PLEKHG7: variants seen among roughly 807,000 people sequenced by gnomAD.
The protein encoded by PLEKHG7 is pleckstrin homology domain-containing family G member 7.
Under a neutral mutation model 85.2 loss-of-function variants are expected in PLEKHG7, and 77 were observed. The observed-to-expected ratio is 0.90, with a 90% CI of 0.75 to 1.09. PLEKHG7 has a LOEUF of 1.09. Ranked by LOEUF, PLEKHG7 falls within the 50% of genes least tolerant of loss-of-function variation. The pLI is 0.00. For synonymous variants in PLEKHG7, 301 were observed against 302.4 expected (o/e 1.00, Z 0.05); for missense variants, 777 against 804.3 (o/e 0.97, Z 0.41).
chr12:92,761,639 AAAGAAAGAAAG>A, intron 13 of PLEKHG7, 102 bp from the exon 14 acceptor site: 1 of 497,858 alleles, frequency 2.0e-6, no homozygotes, highest in South Asian at 3.7e-5. Flanking sequence ...AGAAAGAAAG[AAAGAAAGAAAG>A]AAAGAAAGAA....
chr12:92,726,295 G>C (rs1022242456), intron 3 of PLEKHG7, among the ~76,000 whole-genome samples: 6 of 152,156 alleles, frequency 3.9e-5, no homozygotes, highest in Admixed American at 3.3e-4. Flanking sequence ...AGCCACTTTG[G>C]GGGTGGGAGA....
At chr12:92,759,512 C>A (rs576482046) in intron 13 of PLEKHG7, among the ~76,000 whole-genome samples, 1 of 152,216 alleles carries the variant, frequency 6.6e-6, no homozygotes, top group African/African-American at 2.4e-5. Context: ...CATGTTGAAG[C>A]CTTAATGTCC....
intron 15 of PLEKHG7, 113 bp downstream of exon 15, chr12:92,764,307 T>C: frequency 1.9e-6 from 2 of 1,048,106 alleles, no homozygotes; most frequent in Non-Finnish European, 1.4e-6. Flanking sequence ...AAAACAAGAC[T>C]GTGTTCCTAT....
chr12:92,723,883 A>G (rs1871718171), intron 3 of PLEKHG7, among the ~76,000 whole-genome samples: 1 of 152,190 alleles, frequency 6.6e-6, no homozygotes, highest in South Asian at 2.1e-4. Context: ...AAACCAGTTT[A>G]TAGAATCTTG....
intron 3 of PLEKHG7, among the ~76,000 whole-genome samples, chr12:92,718,019 T>G (rs1162964674): frequency 6.6e-6 from 1 of 152,206 alleles, no homozygotes; most frequent in Non-Finnish European, 1.5e-5. Context: ...GAGCTAAATA[T>G]TCTAACATCA....
Position 92,761,622 on chromosome 12 carries a change from AGAAGAAAGAAAGAAAGAAAG to A in PLEKHG7, c.1637-129_1637-110del, listed in dbSNP as rs1873003770. The stretch of plus-strand genomic sequence containing the variant: ...GAAAGAAAGAAAAAGAAAGAAAGAA[AGAAGAAAGAAAGAAAGAAAG>A]AAAGAAAGAAAGAAAGAAAGAAAGA... On this transcript the variant is annotated intron_variant, in intron 13 of 16. Coordinates refer to ENST00000344636, the MANE Select transcript of PLEKHG7 (RefSeq NM_001377329.1). 6 of 885,926 alleles carry A rather than the reference AGAAGAAAGAAAGAAAGAAAG, an allele frequency of 6.8e-6. No homozygotes were observed. The East Asian group carries it at 2.3e-4, about 34-fold the overall frequency. The allele number at this position is 885,926 out of a possible 1,614,324, so 54.9% of individuals were successfully genotyped here. A position where few individuals can be genotyped will look rare whatever the true frequency, so the allele number is the denominator to read the frequency against.
intron 3 of PLEKHG7, among the ~76,000 whole-genome samples, chr12:92,713,255 G>A (rs1871399131): frequency 6.6e-6 from 1 of 152,160 alleles, no homozygotes; most frequent in South Asian, 2.1e-4. Flanking sequence ...TTGATTGAGG[G>A]GCCGTGATTC....
chr12:92,713,670 A>T (rs534442150), intron 3 of PLEKHG7, among the ~76,000 whole-genome samples: 1 of 152,164 alleles, frequency 6.6e-6, no homozygotes, highest in African/African-American at 2.4e-5. Context: ...TCAAGGGTGT[A>T]TCTTCTGACC....
chr12:92,723,568 G>GTTC, intron 3 of PLEKHG7, among the ~76,000 whole-genome samples: 2 of 152,270 alleles, frequency 1.3e-5, no homozygotes, highest in Middle Eastern at 6.8e-3. Context: ...TGCTTACCAA[G>GTTC]TTCTGGACAC....
At chr12:92,754,013 A>T in intron 10 of PLEKHG7, 77 bp from the exon 11 acceptor site, 2 of 1,451,314 alleles carry the variant, frequency 1.4e-6, no homozygotes, top group Non-Finnish European at 1.9e-6. Flanking sequence ...ATCTCCAAGA[A>T]CCTCTCATAT....
Position 92,736,516 on chromosome 12 carries a change from A to G in PLEKHG7, c.734A>G (p.Glu245Gly). ...AAACACAAGCACATATCTGATCTGG[A>G]AAACTGCCTGTCCTCTGTGAAAATT... ...KDKHKHISDL[E>G]NCLSSVKITS... The change falls in exon 6 of 17, where the codon GAA (glutamate) becomes GGA (glycine). Residue 245 changes from glutamate (E) to glycine (G), a missense_variant. Physicochemically the swap from Glu to Gly is moderately conservative, Grantham distance 98 (BLOSUM62 -2). Coordinates refer to ENST00000344636, the MANE Select transcript of PLEKHG7 (RefSeq NM_001377329.1). 4 of 1,232,008 alleles carry G rather than the reference A, an allele frequency of 3.2e-6. No individual in the cohort carries two copies. The highest frequency in any genetic ancestry group is 4.0e-6 in the Non-Finnish European group (4 of 987,850). The allele number at this position is 1,232,008 out of a possible 1,614,324, so 76.3% of individuals were successfully genotyped here.
intron 3 of PLEKHG7, among the ~76,000 whole-genome samples, chr12:92,726,104 G>A (rs1231804583): frequency 3.3e-5 from 5 of 152,196 alleles, no homozygotes; most frequent in African/African-American, 7.2e-5. Context: ...CATGGGATCC[G>A]AGAATGTGCA....
intron 1 of PLEKHG7, among the ~76,000 whole-genome samples, chr12:92,703,478 A>G (rs1186000101): frequency 6.6e-6 from 1 of 152,230 alleles, no homozygotes; most frequent in Admixed American, 6.5e-5. Context: ...TCATTTAGGG[A>G]AAGCTTCCCA....
chr12:92,747,087 G>A (rs1872554102), intron 10 of PLEKHG7, among the ~76,000 whole-genome samples: 1 of 152,060 alleles, frequency 6.6e-6, no homozygotes, highest in African/African-American at 2.4e-5. Flanking sequence ...GAGTAAAGAG[G>A]CAATCTGCAG....
intron 3 of PLEKHG7, among the ~76,000 whole-genome samples, chr12:92,715,891 C>A: frequency 6.6e-6 from 1 of 152,166 alleles, no homozygotes; most frequent in East Asian, 1.9e-4. Flanking sequence ...CAAGAGACTG[C>A]ATGGCCCACA....
At chr12:92,718,471 G>GT (rs1450552905) in intron 3 of PLEKHG7, among the ~76,000 whole-genome samples, 2 of 152,162 alleles carry the variant, frequency 1.3e-5, no homozygotes, top group African/African-American at 4.8e-5. Flanking sequence ...CTTATCCCCG[G>GT]TACCTAGAAC....
intron 4 of PLEKHG7, among the ~76,000 whole-genome samples, chr12:92,730,760 C>T (rs985808517): frequency 2.0e-5 from 3 of 152,178 alleles, no homozygotes; most frequent in African/African-American, 4.8e-5. Context: ...ATTTTGATGC[C>T]GGCTACAGTT....
At chr12:92,741,637 C>A in intron 9 of PLEKHG7, 45 bp downstream of exon 9, 1 of 1,463,164 alleles carries the variant, frequency 6.8e-7, no homozygotes, top group Non-Finnish European at 9.5e-7. Flanking sequence ...GTAAAATCAC[C>A]CACCTCCCAG....
At chr12:92,713,764 C>A (rs1375419621) in intron 3 of PLEKHG7, among the ~76,000 whole-genome samples, 6 of 152,190 alleles carry the variant, frequency 3.9e-5, no homozygotes, top group Non-Finnish European at 7.4e-5. Context: ...CCTTCCTCTA[C>A]ATTAAACTGA....
Sources: allele counts gnomAD v4.1 joint callset (sites outside exome capture counted in the v4.1 genomes callset), GRCh38; gene constraint gnomAD v4.1.1; transcripts MANE v1.5; gene names NCBI Gene and HGNC (gene_info 2026-07-23, HGNC 2026-07-21).